The following NAALADL2 variants were observed in gnomAD, a reference collection of about 807,000 sequenced individuals.
NAALADL2 encodes inactive N-acetylated-alpha-linked acidic dipeptidase-like protein 2.
In NAALADL2, 76 loss-of-function variants were observed where a neutral mutation model predicts 87.2. That is an observed-to-expected ratio of 0.87 (90% CI 0.72 to 1.05). The LOEUF is 1.05. Ranked by LOEUF, NAALADL2 falls within the 50% of genes least tolerant of loss-of-function variation. The pLI, the probability that NAALADL2 is intolerant of heterozygous loss-of-function variation, is 0.00. For synonymous variants in NAALADL2, 354 were observed against 331.0 expected (o/e 1.07, Z -0.75); for missense variants, 1,089 against 945.8 (o/e 1.15, Z -1.99).
intron 1 of NAALADL2, among the ~76,000 whole-genome samples, chr3:174,939,317 A>G (rs767983095): frequency 2.0e-5 from 3 of 152,026 alleles, no homozygotes; most frequent in Non-Finnish European, 2.9e-5. Flanking sequence ...AGGTGGTCAT[A>G]GGTATGTGGC....
At chr3:175,063,421 C>T (rs1429391296) in intron 1 of NAALADL2, among the ~76,000 whole-genome samples, 1 of 151,696 alleles carries the variant, frequency 6.6e-6, no homozygotes, top group African/African-American at 2.4e-5. Flanking sequence ...TGGTTCATGC[C>T]TGTAATCTCA....
At chr3:175,541,497 T>C (rs920327673) in intron 9 of NAALADL2, among the ~76,000 whole-genome samples, 1 of 152,216 alleles carries the variant, frequency 6.6e-6, no homozygotes, top group Non-Finnish European at 1.5e-5. Context: ...ATTTATTGAA[T>C]ACTGTGCTGA....
chr3:175,704,694 C>A (rs564214961), intron 11 of NAALADL2, among the ~76,000 whole-genome samples: 49 of 152,222 alleles, frequency 3.2e-4, no homozygotes, highest in Admixed American at 5.2e-4. Flanking sequence ...TTCTCCAAAT[C>A]TTTAAAATTG....
chr3:175,279,779 A>AGT (rs1452624383), intron 4 of NAALADL2, among the ~76,000 whole-genome samples: 20 of 128,668 alleles, frequency 1.6e-4, no homozygotes, highest in African/African-American at 6.7e-4. Flanking sequence ...TCCTCTGCAT[A>AGT]GTGTGTGAGT....
At chr3:174,801,756 A>C (rs1266907835) in intron 3 of NAALADL2, among the ~76,000 whole-genome samples, 5 of 149,698 alleles carry the variant, frequency 3.3e-5, no homozygotes, top group Admixed American at 6.7e-5. Context: ...TGATTATATA[A>C]TTTTGCTTTA....
At chr3:175,368,761 C>T (rs952468092) in intron 5 of NAALADL2, among the ~76,000 whole-genome samples, 7 of 151,986 alleles carry the variant, frequency 4.6e-5, no homozygotes, top group African/African-American at 1.2e-4. Context: ...TAGGTTATGT[C>T]GTATAGCTTA....
intron 4 of NAALADL2, among the ~76,000 whole-genome samples, chr3:175,300,531 G>A (rs190476652): frequency 7.1e-4 from 108 of 152,032 alleles, no homozygotes; most frequent in African/African-American, 2.3e-3. Flanking sequence ...TGTATGTGTC[G>A]AGGAATTTAC....
At chr3:175,722,288 A>G (rs1742343276) in intron 11 of NAALADL2, among the ~76,000 whole-genome samples, 2 of 152,138 alleles carry the variant, frequency 1.3e-5, no homozygotes, top group South Asian at 4.1e-4. Flanking sequence ...TTATAAATGT[A>G]TATTTAAGTT....
In NAALADL2 at chr3:174,541,999, A is replaced by G. The variant is rs1250232043; in HGVS notation, c.-183-8570A>G. 2.0e-5 allele frequency among the ~76,000 whole-genome samples: 3 copies of G among 152,180 alleles called. No individual in the cohort carries two copies. In the East Asian group the frequency reaches 5.8e-4, roughly 29 times the overall value. On this transcript the variant is annotated intron_variant, in intron 1 of 3. Coordinates refer to the NAALADL2 transcript ENST00000434257. ...AGTGTGCCCAAAGTATAGGCTGTGT[A>G]TAGGCTGTTGGCCAACAATAATTAT...
intron 1 of NAALADL2, among the ~76,000 whole-genome samples, chr3:174,937,616 T>TA (rs1417050260): frequency 5.3e-5 from 8 of 151,978 alleles, no homozygotes; most frequent in Admixed American, 2.0e-4. Flanking sequence ...ATAAAGAGCC[T>TA]AAAAAAAATT....
intron 2 of NAALADL2, among the ~76,000 whole-genome samples, chr3:175,195,370 A>G (rs968606448): frequency 4.0e-5 from 6 of 151,872 alleles, no homozygotes; most frequent in African/African-American, 7.2e-5. Context: ...TTGGATGATG[A>G]AACGTTATGA....
chr3:175,733,560 C>A (rs1356775963), intron 11 of NAALADL2, among the ~76,000 whole-genome samples: 4 of 152,092 alleles, frequency 2.6e-5, no homozygotes, highest in Non-Finnish European at 5.9e-5. Flanking sequence ...CAAACCATAT[C>A]ATTGCACCCC....
chr3:175,248,364 T>C (rs1748395447), intron 3 of NAALADL2, among the ~76,000 whole-genome samples: 1 of 152,220 alleles, frequency 6.6e-6, no homozygotes, highest in South Asian at 2.1e-4. Flanking sequence ...GTATATAGAA[T>C]GTACTTAATA....
upstream of NAALADL2, among the ~76,000 whole-genome samples, chr3:174,858,931 T>G (rs961087988): frequency 6.6e-6 from 1 of 152,088 alleles, no homozygotes; most frequent in African/African-American, 2.4e-5. Flanking sequence ...TGCACAAAAC[T>G]GACTCTGAGC....
intron 1 of NAALADL2, among the ~76,000 whole-genome samples, chr3:175,004,191 A>G (rs1748676722): frequency 6.6e-6 from 1 of 152,054 alleles, no homozygotes; most frequent in South Asian, 2.1e-4. Flanking sequence ...CTGGGAAACA[A>G]AGTGAGATGC....
rs145805880 is a variant in NAALADL2 at position 175,243,070 on chromosome 3, A to AACACACAC, written c.819+8883_819+8890dup. Among the ~76,000 whole-genome samples, 23 of 147,072 alleles carry AACACACAC rather than the reference A, an allele frequency of 1.6e-4. No individual in the cohort carries two copies. The South Asian group carries it at 3.9e-3, about 25-fold the overall frequency. ...TTCTGTATGGTTTAATCCTTTCCAT[A>AACACACAC]ACACACACACACACACACACACACG... On this transcript the variant is annotated intron_variant, in intron 3 of 13. Coordinates refer to ENST00000454872, the MANE Select transcript of NAALADL2 (RefSeq NM_207015.3).
At chr3:174,655,385 AAC>A (rs1030867162) in intron 2 of NAALADL2, among the ~76,000 whole-genome samples, 27 of 151,320 alleles carry the variant, frequency 1.8e-4, no homozygotes, top group African/African-American at 6.6e-4. Flanking sequence ...TTACATGAAC[AAC>A]AGTCATTTAA....
intron 2 of NAALADL2, among the ~76,000 whole-genome samples, chr3:175,155,669 A>C (rs769100824): frequency 6.6e-6 from 1 of 152,116 alleles, no homozygotes; most frequent in African/African-American, 2.4e-5. Context: ...TTTAATAAAT[A>C]GTTTATATTT....
At chr3:175,060,329 T>C (rs1713162427) in intron 1 of NAALADL2, among the ~76,000 whole-genome samples, 2 of 152,170 alleles carry the variant, frequency 1.3e-5, no homozygotes. Context: ...AGTTCGTAAA[T>C]ACAAATAGAA....
Sources: allele counts gnomAD v4.1 joint callset (sites outside exome capture counted in the v4.1 genomes callset), GRCh38; gene constraint gnomAD v4.1.1; transcripts MANE v1.5; gene names NCBI Gene and HGNC (gene_info 2026-07-23, HGNC 2026-07-21).